The following NRG1 variants were observed in gnomAD, a reference collection of about 807,000 sequenced individuals.
NRG1 encodes the protein pro-neuregulin-1, membrane-bound isoform.
A neutral mutation model predicts 63.8 loss-of-function variants in NRG1; 18 were observed. The ratio of observed to expected loss-of-function variants is 0.28; its 90% CI spans 0.19 to 0.42. The LOEUF (loss-of-function observed/expected upper bound fraction) is 0.42. Ranked by LOEUF, NRG1 falls within the 10% of genes least tolerant of loss-of-function variation. NRG1 has a pLI of 1.00. For missense variants in NRG1, 762 were observed against 814.7 expected, an observed-to-expected ratio of 0.94 and a Z score of 0.79; for synonymous variants, 302 against 301.3, an observed-to-expected ratio of 1.00 and a Z score of -0.02.
At chr8:31,659,711 C>A (rs143249400) in intron 1 of NRG1, among the ~76,000 whole-genome samples, 12 of 152,280 alleles carry the variant, frequency 7.9e-5, no homozygotes, top group Non-Finnish European at 1.5e-4. Context: ...ATATTTTGGG[C>A]TCAGGGCTTT....
At chr8:31,824,174 C>T (rs1824301058) in intron 1 of NRG1, among the ~76,000 whole-genome samples, 2 of 123,690 alleles carry the variant, frequency 1.6e-5, no homozygotes, top group African/African-American at 6.0e-5. Context: ...CCCCTCCCCC[C>T]TCCCCCCACC....
At position 32,525,600 on chromosome 8, in the gene NRG1, A is replaced by G. The variant is rs138374139; in HGVS notation, c.38-70228A>G. Among the ~76,000 whole-genome samples the G allele has an allele frequency of 2.7e-3, 410 of 152,174 alleles. 4 individuals carry two copies. Among genetic ancestry groups the G allele is most frequent in the African/African-American group, 9.3e-3 (388 of 41,514 alleles). On this transcript the variant is annotated intron_variant, in intron 1 of 10. Transcript: ENST00000519301. ...CCAAGCTCAAAATATTTCTGCTTTAATCTCTTCAGAGACTAAACCTCCTGT... is the reference window on the plus strand; with the variant it reads ...CCAAGCTCAAAATATTTCTGCTTTAGTCTCTTCAGAGACTAAACCTCCTGT...
intron 1 of NRG1, among the ~76,000 whole-genome samples, chr8:32,353,229 A>G (rs1005979717): frequency 6.6e-5 from 10 of 150,636 alleles, no homozygotes; most frequent in African/African-American, 2.4e-4. Context: ...TCAAGTTTCA[A>G]AATAACAATT....
At chr8:32,423,102 G>A (rs960367902) in intron 1 of NRG1, among the ~76,000 whole-genome samples, 2 of 152,196 alleles carry the variant, frequency 1.3e-5, no homozygotes, top group African/African-American at 2.4e-5. Context: ...CTTGGAAACA[G>A]CACTGCCCTA....
At chr8:32,738,490 A>G (rs1323747570) in intron 6 of NRG1, among the ~76,000 whole-genome samples, 2 of 152,068 alleles carry the variant, frequency 1.3e-5, no homozygotes, top group Non-Finnish European at 2.9e-5. Flanking sequence ...TGTTATTCAG[A>G]TCCTTAGATT....
chr8:32,205,806 A>C (rs1172704221), intron 1 of NRG1, among the ~76,000 whole-genome samples: 1 of 152,078 alleles, frequency 6.6e-6, no homozygotes, highest in Non-Finnish European at 1.5e-5. Flanking sequence ...AAAAATAAGG[A>C]ATGCACAAAT....
intron 1 of NRG1, among the ~76,000 whole-genome samples, chr8:32,484,471 G>A (rs1002658216): frequency 7.2e-5 from 11 of 152,152 alleles, no homozygotes; most frequent in African/African-American, 2.4e-4. Flanking sequence ...AGTTGACATG[G>A]GCTTTGATGA....
chr8:32,568,281 C>G (rs1837857786), intron 1 of NRG1, among the ~76,000 whole-genome samples: 1 of 152,138 alleles, frequency 6.6e-6, no homozygotes, highest in Admixed American at 6.6e-5. Context: ...GAGCTGTTAT[C>G]ACTTTTGTCT....
At chr8:31,827,952 G>A (rs1824733360) in intron 1 of NRG1, among the ~76,000 whole-genome samples, 1 of 152,194 alleles carries the variant, frequency 6.6e-6, no homozygotes, top group African/African-American at 2.4e-5. Context: ...AGAAATGAGG[G>A]TGTGTCCCAG....
chr8:32,048,446 C>CATATATATATATAT (rs869311093), intron 1 of NRG1, among the ~76,000 whole-genome samples: 1 of 6,708 alleles, frequency 1.5e-4, no homozygotes, highest in African/African-American at 1.7e-4. Flanking sequence ...TATATACATA[C>CATATATATATATAT]ATATATATAT....
intron 1 of NRG1, among the ~76,000 whole-genome samples, chr8:31,827,182 A>G (rs950306485): frequency 4.6e-5 from 7 of 152,194 alleles, no homozygotes; most frequent in Non-Finnish European, 8.8e-5. Flanking sequence ...CAATCTTGCT[A>G]ATAAAGCACC....
chr8:31,847,412 A>G (rs529437308), intron 1 of NRG1, among the ~76,000 whole-genome samples: 4 of 152,328 alleles, frequency 2.6e-5, no homozygotes, highest in Non-Finnish European at 4.4e-5. Flanking sequence ...CGGATGAGCT[A>G]TGGGTTACAT....
chr8:31,998,690 A>G (rs1254774669), intron 1 of NRG1, among the ~76,000 whole-genome samples: 1 of 151,952 alleles, frequency 6.6e-6, no homozygotes, highest in Non-Finnish European at 1.5e-5. Flanking sequence ...TAACCACCAC[A>G]CTGACATTTG....
At chr8:32,566,763 A>C (rs1168882424) in intron 1 of NRG1, among the ~76,000 whole-genome samples, 1 of 152,326 alleles carries the variant, frequency 6.6e-6, no homozygotes, top group South Asian at 2.1e-4. Flanking sequence ...AGGAGCTAAA[A>C]ATGTTAGGAA....
At chr8:32,704,278 G>A (rs189335158) in intron 5 of NRG1, among the ~76,000 whole-genome samples, 33 of 152,270 alleles carry the variant, frequency 2.2e-4, no homozygotes, top group Admixed American at 6.5e-4. Context: ...GATTTGTTGA[G>A]CTGGATTAAG....
chr8:31,779,104 ACTTTT>A (rs1819433469), intron 1 of NRG1, among the ~76,000 whole-genome samples: 1 of 151,884 alleles, frequency 6.6e-6, no homozygotes, highest in South Asian at 2.1e-4. Flanking sequence ...TCCAGTGTTG[ACTTTT>A]CTTTTCATCA....
intron 1 of NRG1, among the ~76,000 whole-genome samples, chr8:31,745,374 C>T (rs796982864): frequency 5.3e-5 from 8 of 151,930 alleles, no homozygotes; most frequent in African/African-American, 1.9e-4. Flanking sequence ...GGAGTCGTGG[C>T]GGCCACTGTA....
rs534819183 is a variant in NRG1, at chr8:32,360,324, A to G, written c.38-235504A>G. Among the ~76,000 whole-genome samples, 262 of 152,306 alleles carry G rather than the reference A, an allele frequency of 1.7e-3. 2 individuals are homozygous for G. Among genetic ancestry groups the G allele is most frequent in the African/African-American group, 6.1e-3 (252 of 41,566 alleles). ...ATTGTCAAAATAAGCTGTGAAGCTG[A>G]AAGAAGTTTATTTAAGTATTAATAA... On this transcript the variant is annotated intron_variant, in intron 1 of 10. Coordinates refer to the NRG1 transcript ENST00000519301.
At chr8:32,338,833 T>C (rs1013430748) in intron 1 of NRG1, among the ~76,000 whole-genome samples, 2 of 152,162 alleles carry the variant, frequency 1.3e-5, no homozygotes, top group African/African-American at 4.8e-5. Flanking sequence ...AATGTTCCTA[T>C]TTAAGCTTAT....
Sources: allele counts gnomAD v4.1 joint callset (sites outside exome capture counted in the v4.1 genomes callset), GRCh38; gene constraint gnomAD v4.1.1; transcripts MANE v1.5; gene names NCBI Gene and HGNC (gene_info 2026-07-23, HGNC 2026-07-21).